Variants in BORCS5 observed in about 807,000 individuals in gnomAD.
BORCS5 encodes the protein BLOC-1 related complex subunit 5.
BORCS5 carries 17 observed loss-of-function variants against 22.1 expected under a neutral mutation model. The observed-to-expected ratio is 0.77, with a 90% CI of 0.53 to 1.15. The LOEUF is 1.15. Ranked by LOEUF, BORCS5 falls within the 50% of genes most tolerant of loss-of-function variation. The pLI is 0.00. For synonymous variants in BORCS5, 117 were observed against 99.8 expected (o/e 1.17, Z -1.03); for missense variants, 247 against 253.2 (o/e 0.98, Z 0.17).
chr12:12,423,250 C>T (rs1192439302), intron 2 of BORCS5, among the ~76,000 whole-genome samples: 1 of 152,058 alleles, frequency 6.6e-6, no homozygotes, highest in Non-Finnish European at 1.5e-5. Flanking sequence ...GATCCACCCT[C>T]CTTGGCATCC....
rs554938388 is a variant in BORCS5 at position 12,409,682 on chromosome 12, A to G, written c.203-25946A>G. ...CTTTGCTATTGTGAATAGTGCTGCA[A>G]TAAACATACGTGTTCATGTGTCTTT... On this transcript the variant is annotated intron_variant, in intron 2 of 3. Transcript: ENST00000314565. 5.9e-5 allele frequency among the ~76,000 whole-genome samples: 9 copies of G among 152,334 alleles called. No individual in the cohort carries two copies. In the South Asian group the frequency reaches 8.3e-4, roughly 14 times the overall value.
At chr12:12,376,472 A>T (rs1863656678) in intron 2 of BORCS5, among the ~76,000 whole-genome samples, 1 of 152,022 alleles carries the variant, frequency 6.6e-6, no homozygotes, top group Non-Finnish European at 1.5e-5. Flanking sequence ...TGACCTCGTG[A>T]TCCACCTGCC....
At chr12:12,373,418 C>T (rs564178532) in intron 2 of BORCS5, among the ~76,000 whole-genome samples, 181 of 152,268 alleles carry the variant, frequency 1.2e-3, no homozygotes, top group Middle Eastern at 3.4e-3. Flanking sequence ...AATGGTAGGG[C>T]TTGTTTTCCT....
At position 12,454,826 on chromosome 12, in the gene BORCS5, G is replaced by A. The variant is rs572614908; in HGVS notation, c.361-10720G>A. 1.2e-3 allele frequency among the ~76,000 whole-genome samples: 178 copies of A among 152,230 alleles called. 1 individual carries two copies. Among genetic ancestry groups the A allele is most frequent in the African/African-American group, 3.8e-3 (157 of 41,544 alleles). On this transcript the variant is annotated intron_variant, in intron 3 of 3. Transcript: ENST00000314565. The stretch of plus-strand genomic sequence containing the variant: ...TCATTATAACCATTACAACACTGCC[G>A]TGAGGTAGGATGAATATTAGCCATT...
At position 12,468,594 on chromosome 12, in the gene BORCS5, G is replaced by T. The variant is rs1328714135; in HGVS notation, c.*2818G>T. The T allele has an allele frequency of 6.6e-6, 1 of 152,238 alleles. No homozygotes were observed. The highest frequency in any genetic ancestry group is 1.5e-5 in the Non-Finnish European group (1 of 68,072). 9.4% of individuals were successfully genotyped at this position (152,238 alleles called of 1,614,324 possible). A position where few individuals can be genotyped will look rare whatever the true frequency, so the allele number is the denominator to read the frequency against. Reference sequence around the variant, plus strand: ...TTCCGATACATCTTGACTACAATGAGCGTGTTTACCTTTTGTCTCTGAGCA... The same window carrying T: ...TTCCGATACATCTTGACTACAATGATCGTGTTTACCTTTTGTCTCTGAGCA... On this transcript the variant is annotated 3_prime_UTR_variant, in exon 4 of 4. Coordinates refer to ENST00000314565, the MANE Select transcript of BORCS5 (RefSeq NM_058169.6).
At chr12:12,401,583 A>G (rs1004651269) in intron 2 of BORCS5, among the ~76,000 whole-genome samples, 7 of 152,146 alleles carry the variant, frequency 4.6e-5, no homozygotes, top group African/African-American at 1.7e-4. Flanking sequence ...CAAAATGACA[A>G]AAAAGAAAAT....
At chr12:12,415,292 A>G (rs1249228148) in intron 2 of BORCS5, among the ~76,000 whole-genome samples, 1 of 150,470 alleles carries the variant, frequency 6.6e-6, no homozygotes, top group Non-Finnish European at 1.5e-5. Context: ...TCCGTCTGCA[A>G]TCCCGGCACC....
chr12:12,367,253 C>G (rs946356178), intron 2 of BORCS5, among the ~76,000 whole-genome samples: 3 of 152,202 alleles, frequency 2.0e-5, no homozygotes, highest in African/African-American at 7.2e-5. Context: ...TCTTCACATT[C>G]TTCTGTCATC....
At chr12:12,358,472 C>G (rs998151879) in intron 1 of BORCS5, among the ~76,000 whole-genome samples, 1 of 152,198 alleles carries the variant, frequency 6.6e-6, no homozygotes, top group African/African-American at 2.4e-5. Context: ...CTACGTTTTT[C>G]TATTTCCTTG....
At chr12:12,359,948 GAT>G (rs769870182) in intron 1 of BORCS5, among the ~76,000 whole-genome samples, 4 of 151,254 alleles carry the variant, frequency 2.6e-5, no homozygotes, top group Non-Finnish European at 4.4e-5. Context: ...GAAATAGGGA[GAT>G]ATATATATAT....
At chr12:12,379,310 T>TCAC (rs1863725551) in intron 2 of BORCS5, among the ~76,000 whole-genome samples, 1 of 150,948 alleles carries the variant, frequency 6.6e-6, no homozygotes, top group Non-Finnish European at 1.5e-5. Flanking sequence ...TAGTATGGTT[T>TCAC]CACCATGTTA....
intron 2 of BORCS5, among the ~76,000 whole-genome samples, chr12:12,432,120 G>A (rs1942445943): frequency 6.6e-6 from 1 of 152,146 alleles, no homozygotes; most frequent in South Asian, 2.1e-4. Flanking sequence ...CAGATTTTGG[G>A]TATTCTTTTT....
chr12:12,410,969 T>G (rs1941717943), intron 2 of BORCS5, among the ~76,000 whole-genome samples: 1 of 152,180 alleles, frequency 6.6e-6, no homozygotes, highest in African/African-American at 2.4e-5. Flanking sequence ...TCCCTAGGTA[T>G]TTTATTCTCT....
At chr12:12,420,785 A>C (rs1262118871) in intron 2 of BORCS5, among the ~76,000 whole-genome samples, 1 of 152,140 alleles carries the variant, frequency 6.6e-6, no homozygotes, top group Non-Finnish European at 1.5e-5. Context: ...TGTAAGTTGG[A>C]TCCCTAGGTA....
chr12:12,456,887 C>A (rs1943007130), intron 3 of BORCS5, among the ~76,000 whole-genome samples: 1 of 125,660 alleles, frequency 8.0e-6, no homozygotes, highest in African/African-American at 3.8e-5. Flanking sequence ...AAGTTGTCAT[C>A]TGAGTGATTG....
chr12:12,411,341 G>A (rs932460300), intron 2 of BORCS5, among the ~76,000 whole-genome samples: 4 of 152,050 alleles, frequency 2.6e-5, no homozygotes, highest in East Asian at 3.9e-4. Flanking sequence ...TGTCCATTCC[G>A]TATCACATTG....
intron 3 of BORCS5, among the ~76,000 whole-genome samples, chr12:12,463,812 C>T (rs770237644): frequency 1.3e-5 from 2 of 152,090 alleles, no homozygotes; most frequent in Non-Finnish European, 1.5e-5. Flanking sequence ...AGGTGTGAAT[C>T]GGGGATGGAT....
At chr12:12,358,308 C>T (rs918294504) in intron 1 of BORCS5, among the ~76,000 whole-genome samples, 3 of 152,182 alleles carry the variant, frequency 2.0e-5, no homozygotes, top group African/African-American at 2.4e-5. Context: ...TAGAAGTTCT[C>T]TGTTCTTGAT....
chr12:12,416,426 A>G (rs975834192), intron 2 of BORCS5, among the ~76,000 whole-genome samples: 1 of 150,472 alleles, frequency 6.6e-6, no homozygotes, highest in Non-Finnish European at 1.5e-5. Flanking sequence ...CTGGTGTGAG[A>G]TCTTTCTTTT....
Sources: allele counts gnomAD v4.1 joint callset (sites outside exome capture counted in the v4.1 genomes callset), GRCh38; gene constraint gnomAD v4.1.1; transcripts MANE v1.5; gene names NCBI Gene and HGNC (gene_info 2026-07-23, HGNC 2026-07-21).